XRCC5: variants seen among roughly 807,000 people sequenced by gnomAD.
XRCC5 encodes the protein X-ray repair cross complementing 5.
In XRCC5, 12 loss-of-function variants were observed where a neutral mutation model predicts 95.7. The ratio of observed to expected loss-of-function variants is 0.13; its 90% CI spans 0.08 to 0.20. The LOEUF (loss-of-function observed/expected upper bound fraction) is 0.20. Ranked by LOEUF, XRCC5 falls within the 10% of genes least tolerant of loss-of-function variation. The probability of loss-of-function intolerance (pLI) is 1.00; values close to 1 mark genes in which losing one functional copy is unlikely to be tolerated. For missense variants in XRCC5, 595 were observed against 873.9 expected (o/e 0.68, Z 4.02); for synonymous variants, 281 against 290.3 (o/e 0.97, Z 0.33).
intron 5 of XRCC5, among the ~76,000 whole-genome samples, chr2:216,120,095 C>T (rs1219664005): frequency 1.3e-5 from 2 of 152,194 alleles, no homozygotes; most frequent in African/African-American, 2.4e-5. Flanking sequence ...TACAGAGCGA[C>T]ATCTCCTTTC....
intron 7 of XRCC5, among the ~76,000 whole-genome samples, chr2:216,127,269 TAGAC>T (rs1458968336): frequency 6.6e-6 from 1 of 152,118 alleles, no homozygotes; most frequent in Non-Finnish European, 1.5e-5. Context: ...ATAAAAATAT[TAGAC>T]AGTCTGAGGT....
chr2:216,149,575 C>G (rs1688704942), intron 14 of XRCC5, among the ~76,000 whole-genome samples: 2 of 151,070 alleles, frequency 1.3e-5, no homozygotes. Flanking sequence ...TGACACCTTG[C>G]TGAAGTCTCA....
At chr2:216,128,742 G>A (rs763817925) in intron 8 of XRCC5, among the ~76,000 whole-genome samples, 11 of 152,182 alleles carry the variant, frequency 7.2e-5, no homozygotes, top group African/African-American at 1.2e-4. Context: ...ATACAGGTTA[G>A]TACTTGAGGG....
Position 216,122,090 on chromosome 2 carries a change from G to A in XRCC5, c.520G>A (p.Gly174Arg), listed in dbSNP as rs1448787480. Residue 174 changes from glycine to arginine, a missense_variant, in exon 6 of 21, where the codon GGA (glycine) becomes AGA (arginine). Gly to Arg is a moderately radical substitution (Grantham distance 125). Around this residue, in one of 2 missense-constraint regions of XRCC5, gnomAD observed 286 missense variants for 491.1 expected, o/e 0.58. Coordinates refer to ENST00000392132, the MANE Select transcript of XRCC5 (RefSeq NM_021141.4). The part of the protein sequence containing the change: ...FLPFSLGKED[G>R]SGDRGDGPFR... ...GCCTTTCTCACTTGGCAAGGAAGATGGAAGTGGGGACAGAGGAGATGGCCC... is the reference window on the plus strand; with the variant it reads ...GCCTTTCTCACTTGGCAAGGAAGATAGAAGTGGGGACAGAGGAGATGGCCC... 2.5e-6 allele frequency: 4 copies of A among 1,612,484 alleles called. No homozygotes were observed. The highest frequency in any genetic ancestry group is 3.4e-5 in the Admixed American group (2 of 59,492).
intron 1 of XRCC5, among the ~76,000 whole-genome samples, chr2:216,109,817 C>T (rs1019038595): frequency 1.3e-5 from 2 of 152,078 alleles, no homozygotes; most frequent in East Asian, 3.8e-4. Context: ...ACTTCCGAGC[C>T]TGGGTTCTTA....
intron 3 of XRCC5, chr2:216,117,345 CAGTT>C (rs1457486384): frequency 1.5e-5 from 3 of 194,888 alleles, no homozygotes; most frequent in Non-Finnish European, 3.2e-5. Context: ...TTTTTCTAAT[CAGTT>C]AGTAGTGCTA....
chr2:216,161,305 A>C (rs752119397), intron 15 of XRCC5, among the ~76,000 whole-genome samples: 50 of 152,272 alleles, frequency 3.3e-4, no homozygotes, highest in Middle Eastern at 3.4e-3. Context: ...TTATGAGCTG[A>C]GTGGTTCTTA....
intron 3 of XRCC5, 88 bp from the exon 4 acceptor site, chr2:216,117,658 A>T: frequency 7.1e-7 from 1 of 1,406,012 alleles, no homozygotes; most frequent in Non-Finnish European, 1.0e-6. Context: ...AGTGTCCACA[A>T]TTTCCAGCAC....
In XRCC5 at chr2:216,141,502, T is replaced by TAAAAAGA. The variant is rs55969201; in HGVS notation, c.1476+188_1476+194dup. On this transcript the variant is annotated intron_variant, in intron 13 of 20. Transcript: ENST00000392132. ...AGAAGGTAAAAATATTCTGAGCTCT[T>TAAAAAGA]AAAAAGAAAAATAAAGTTGGAATGC... 2.9e-3 allele frequency among the ~76,000 whole-genome samples: 422 copies of TAAAAAGA among 145,418 alleles called. 10 individuals are homozygous for TAAAAAGA. In the East Asian group the frequency reaches 0.037, roughly 13 times the overall value.
At chr2:216,188,987 T>C (rs1689562125) in intron 16 of XRCC5, among the ~76,000 whole-genome samples, 1 of 152,222 alleles carries the variant, frequency 6.6e-6, no homozygotes, top group Non-Finnish European at 1.5e-5. Context: ...ATTTTTCCCT[T>C]GTTAGAAAAT....
intron 2 of XRCC5, 49 bp downstream of exon 2, chr2:216,113,178 G>C (rs774096336): frequency 6.0e-6 from 9 of 1,498,426 alleles, no homozygotes; most frequent in Non-Finnish European, 8.3e-6. Context: ...TGAACTGCTT[G>C]TTGCCTCTAC....
intron 2 of XRCC5, among the ~76,000 whole-genome samples, chr2:216,115,829 G>A (rs1309438071): frequency 6.6e-6 from 1 of 151,172 alleles, no homozygotes. Flanking sequence ...TTAATAAAGT[G>A]TTACAGATAA....
intron 16 of XRCC5, among the ~76,000 whole-genome samples, chr2:216,178,072 T>C (rs41302476): frequency 0.011 from 1,609 of 152,274 alleles, 25 homozygotes; most frequent in African/African-American, 0.037. Flanking sequence ...AGTATGTGGT[T>C]CAGAAGGAAT....
intron 18 of XRCC5, among the ~76,000 whole-genome samples, chr2:216,193,230 C>A (rs1461284230): frequency 6.6e-6 from 1 of 152,182 alleles, no homozygotes; most frequent in African/African-American, 2.4e-5. Flanking sequence ...TGCACAGCAA[C>A]CAATGCAAGT....
At position 216,184,289 on chromosome 2, in the gene XRCC5, GA is replaced by G. The variant is rs149689463; in HGVS notation, c.1835-5932del. Among the ~76,000 whole-genome samples the G allele has an allele frequency of 2.1e-3, 313 of 152,226 alleles. 1 individual carries two copies. The highest frequency in any genetic ancestry group is 7.0e-3 in the African/African-American group (289 of 41,534). On this transcript the variant is annotated intron_variant, in intron 16 of 20. Coordinates refer to ENST00000392132, the MANE Select transcript of XRCC5 (RefSeq NM_021141.4). ...CTCTAAAGACGTTTCAAGTAGAAGT[GA>G]AAACAATATTTTTTTACATAATTTG...
chr2:216,181,535 T>TA (rs1445773595), intron 16 of XRCC5, among the ~76,000 whole-genome samples: 5 of 152,140 alleles, frequency 3.3e-5, no homozygotes, highest in Non-Finnish European at 7.4e-5. Flanking sequence ...TTAACTCTTT[T>TA]AAAAAAATGG....
chr2:216,145,784 T>C (rs779056448), intron 13 of XRCC5, among the ~76,000 whole-genome samples: 2 of 152,192 alleles, frequency 1.3e-5, no homozygotes, highest in Non-Finnish European at 2.9e-5. Flanking sequence ...CTGGAATGTT[T>C]TACAGTAGGA....
Position 216,125,929 on chromosome 2 carries a change from A to G in XRCC5, c.696A>G (p.Arg232=), listed in dbSNP as rs536344189. ...DEIYSFSESL[R]KLCVFKKIER... is the part of the protein sequence containing the mutation. ...TTTCTTTATTAAGTGAGAGTCTGAGAAAACTGTGCGTCTTCAAGAAAATTG... is the reference window on the plus strand; with the variant it reads ...TTTCTTTATTAAGTGAGAGTCTGAGGAAACTGTGCGTCTTCAAGAAAATTG... The change falls in exon 7 of 21, where the codon AGA becomes AGG. Residue 232 remains arginine, a synonymous_variant. Coordinates refer to ENST00000392132, the MANE Select transcript of XRCC5 (RefSeq NM_021141.4). 5.6e-6 allele frequency: 9 copies of G among 1,613,658 alleles called. No individual in the cohort carries two copies. The African/African-American group carries it at 6.7e-5, about 12-fold the overall frequency.
chr2:216,155,414 CAATT>C (rs1688822924), intron 14 of XRCC5, among the ~76,000 whole-genome samples: 1 of 151,678 alleles, frequency 6.6e-6, no homozygotes, highest in South Asian at 2.1e-4. Context: ...TCTTCAATCT[CAATT>C]AGTAATCAGA....
Sources: allele counts gnomAD v4.1 joint callset (sites outside exome capture counted in the v4.1 genomes callset), GRCh38; gene constraint gnomAD v4.1.1; regional missense constraint gnomAD v4.1.1; transcripts MANE v1.5; gene names NCBI Gene and HGNC (gene_info 2026-07-23, HGNC 2026-07-21).